Variants in EDA observed in about 807,000 individuals in gnomAD.
EDA encodes the protein ectodysplasin-A.
A neutral mutation model predicts 23.6 loss-of-function variants in EDA; 2 were observed. The ratio of observed to expected loss-of-function variants is 0.08; its 90% CI spans 0.03 to 0.27. The LOEUF is 0.27. Ranked by LOEUF, EDA falls within the 10% of genes least tolerant of loss-of-function variation. EDA has a pLI of 1.00. For missense variants in EDA, 229 were observed against 324.2 expected, an observed-to-expected ratio of 0.71 and a Z score of 2.26; for synonymous variants, 131 against 132.0, an observed-to-expected ratio of 0.99 and a Z score of 0.05.
intron 1 of EDA, among the ~76,000 whole-genome samples, chrX:69,841,842 T>G (rs1047976874): frequency 6.2e-5 from 7 of 112,290 alleles, no homozygotes; most frequent in Admixed American, 9.4e-5. Flanking sequence ...GAACTCTTAG[T>G]AACAGGGAAT....
chrX:70,037,965 C>T lies in EDA; in HGVS notation c.*2356C>T, dbSNP rs1168603121. The T allele has an allele frequency of 1.8e-5, 2 of 110,790 alleles. No individual in the cohort carries two copies. The highest frequency in any genetic ancestry group is 6.6e-5 in the African/African-American group (2 of 30,347). 9.1% of individuals were successfully genotyped at this position (110,790 alleles called of 1,213,427 possible). On this transcript the variant is annotated 3_prime_UTR_variant, in exon 8 of 8. Coordinates refer to ENST00000374552, the MANE Select transcript of EDA (RefSeq NM_001399.5). ...CCAACCATCATGTGTAGAGCCCCTA[C>T]TGTGGGCAAAGTCCTCCTTTCATTA...
intron 1 of EDA, among the ~76,000 whole-genome samples, chrX:69,739,509 T>A (rs975192297): frequency 1.8e-5 from 2 of 111,509 alleles, no homozygotes; most frequent in African/African-American, 6.5e-5. Context: ...TGGATTTATA[T>A]CTGCCACTTT....
At position 69,860,448 on chromosome X, in the gene EDA, C is replaced by G. The variant is rs921234101; in HGVS notation, c.397-96579C>G. On this transcript the variant is annotated intron_variant, in intron 1 of 7. Transcript: ENST00000374552. ...TGGTAACAAATTCCCTCAGCATTTG[C>G]TTGTCTGAAAATGACCTTATTTCTC... Among the ~76,000 whole-genome samples, 4 of 111,523 alleles carry G rather than the reference C, an allele frequency of 3.6e-5. No individual in the cohort carries two copies. The Admixed American group carries it at 3.8e-4, about 11-fold the overall frequency.
At chrX:69,924,785 G>A (rs138905170) in intron 1 of EDA, among the ~76,000 whole-genome samples, 2,844 of 111,978 alleles carry the variant, frequency 0.025, 91 homozygotes, top group African/African-American at 0.088. Context: ...CTTGAGGATG[G>A]AATGTTTTTC....
chrX:69,728,997 A>G (rs1475903144), intron 1 of EDA: 1 of 111,858 alleles, frequency 8.9e-6, no homozygotes, highest in African/African-American at 3.2e-5. Flanking sequence ...AAAACCAAAT[A>G]AAATGAATCT....
intron 2 of EDA, among the ~76,000 whole-genome samples, chrX:69,981,363 T>C (rs1229250681): frequency 1.8e-5 from 2 of 111,978 alleles, no homozygotes; most frequent in African/African-American, 6.5e-5. Flanking sequence ...AGGAAATGTT[T>C]AGTTTGCATT....
chrX:69,921,033 A>G (rs988001640), intron 1 of EDA, among the ~76,000 whole-genome samples: 12 of 110,998 alleles, frequency 1.1e-4, no homozygotes, highest in Non-Finnish European at 1.9e-4. Flanking sequence ...TTATAATCCA[A>G]TACGCTTTAT....
At chrX:70,032,922 A>G (rs1414653121) in intron 6 of EDA, among the ~76,000 whole-genome samples, 1 of 112,479 alleles carries the variant, frequency 8.9e-6, no homozygotes, top group African/African-American at 3.2e-5. Context: ...GAACCGTAAA[A>G]AAGAATCTCT....
intron 2 of EDA, among the ~76,000 whole-genome samples, chrX:69,993,907 G>GA (rs1299348447): frequency 9.0e-6 from 1 of 111,607 alleles, no homozygotes; most frequent in Non-Finnish European, 1.9e-5. Context: ...CATGGGGGAA[G>GA]AAAAAGTAAA....
At chrX:69,753,636 A>T (rs2013983111) in intron 1 of EDA, among the ~76,000 whole-genome samples, 1 of 111,025 alleles carries the variant, frequency 9.0e-6, no homozygotes, top group Non-Finnish European at 1.9e-5. Flanking sequence ...TATCCTTGTT[A>T]ACTTTCTGTC....
chrX:69,637,951 AG>A (rs761431900), intron 1 of EDA, among the ~76,000 whole-genome samples: 30 of 111,201 alleles, frequency 2.7e-4, no homozygotes, highest in Non-Finnish European at 3.8e-5. Context: ...CAATGAAAAA[AG>A]GTTGCCAATA....
At chrX:69,666,555 T>C (rs1248442847) in intron 1 of EDA, among the ~76,000 whole-genome samples, 1 of 112,873 alleles carries the variant, frequency 8.9e-6, no homozygotes, top group Non-Finnish European at 1.9e-5. Context: ...GATGATCATG[T>C]GGTTTTTATC....
At chrX:69,713,302 A>C (rs772798919) in intron 1 of EDA, among the ~76,000 whole-genome samples, 2 of 112,285 alleles carry the variant, frequency 1.8e-5, no homozygotes, top group Non-Finnish European at 1.9e-5. Context: ...TAATGGTAAC[A>C]GTTTACAGAA....
chrX:69,905,929 A>T (rs1302504988), intron 1 of EDA, among the ~76,000 whole-genome samples: 1 of 111,137 alleles, frequency 9.0e-6, no homozygotes, highest in African/African-American at 3.3e-5. Flanking sequence ...CATCCAATAA[A>T]TATTTACTGA....
chrX:69,708,853 G>A (rs958970694), intron 1 of EDA, among the ~76,000 whole-genome samples: 12 of 111,314 alleles, frequency 1.1e-4, no homozygotes, highest in African/African-American at 3.9e-4. Context: ...AGTGAGGGGT[G>A]GGAGTTGCTG....
chrX:69,932,185 G>A (rs1416731172), intron 1 of EDA, among the ~76,000 whole-genome samples: 5 of 111,854 alleles, frequency 4.5e-5, no homozygotes, highest in Non-Finnish European at 9.4e-5. Context: ...AAATGCAGAG[G>A]GCATCAGAGA....
chrX:69,791,511 TA>T (rs1203594900), intron 1 of EDA, among the ~76,000 whole-genome samples: 1 of 112,138 alleles, frequency 8.9e-6, no homozygotes, highest in African/African-American at 3.2e-5. Context: ...ATAAGAGGGA[TA>T]AGATGTAGAA....
intron 1 of EDA, among the ~76,000 whole-genome samples, chrX:69,679,751 T>G (rs1429444842): frequency 2.7e-5 from 3 of 111,767 alleles, no homozygotes; most frequent in Non-Finnish European, 5.6e-5. Context: ...ATCAATTTTG[T>G]TGATCTTTTC....
intron 1 of EDA, among the ~76,000 whole-genome samples, chrX:69,722,293 C>T (rs1179097255): frequency 1.8e-5 from 2 of 110,443 alleles, no homozygotes; most frequent in African/African-American, 6.6e-5. Context: ...GCAAGCTCCA[C>T]CTCCCAGGTT....
Sources: allele counts gnomAD v4.1 joint callset (sites outside exome capture counted in the v4.1 genomes callset), GRCh38; gene constraint gnomAD v4.1.1; transcripts MANE v1.5; gene names NCBI Gene and HGNC (gene_info 2026-07-23, HGNC 2026-07-21).